RAB38: variants seen among roughly 807,000 people sequenced by gnomAD.
RAB38 encodes the protein ras-related protein Rab-38.
In RAB38, 15 loss-of-function variants were observed where a neutral mutation model predicts 18.4. That is an observed-to-expected ratio of 0.82 (90% CI 0.55 to 1.26). The LOEUF (loss-of-function observed/expected upper bound fraction) is 1.26, where lower values mean the gene tolerates loss of function less well. Among genes scored for constraint, RAB38 ranks in the 50% most tolerant of loss-of-function variants. The probability of loss-of-function intolerance (pLI) is 0.00; values close to 1 mark genes in which losing one functional copy is unlikely to be tolerated. For missense variants in RAB38, 294 were observed against 267.4 expected (o/e 1.10, Z -0.69); for synonymous variants, 101 against 104.4 (o/e 0.97, Z 0.20).
At chr11:88,025,685 G>A in the RAB38 span, among the ~76,000 whole-genome samples, 1 of 152,022 alleles carries the variant, frequency 6.6e-6, no homozygotes, top group East Asian at 1.9e-4. Flanking sequence ...CTTTTGAAAA[G>A]TGTTCAGTCT....
chr11:87,824,978 A>AAGAG, the RAB38 span, among the ~76,000 whole-genome samples: 2 of 150,328 alleles, frequency 1.3e-5, no homozygotes, highest in Non-Finnish European at 1.5e-5. Flanking sequence ...ACACTTTTGA[A>AAGAG]AGAGAGAGAG....
the RAB38 span, among the ~76,000 whole-genome samples, chr11:87,918,976 C>A: frequency 6.6e-6 from 1 of 151,390 alleles, no homozygotes; most frequent in Non-Finnish European, 1.5e-5. Context: ...GAAGCTTTCC[C>A]CATATGTTTT....
chr11:88,025,777 T>C, the RAB38 span, among the ~76,000 whole-genome samples: 1 of 152,204 alleles, frequency 6.6e-6, no homozygotes, highest in East Asian at 1.9e-4. Context: ...TATTAGACAT[T>C]TGTCAGATGC....
At chr11:87,880,323 C>T in the RAB38 span, among the ~76,000 whole-genome samples, 4 of 151,666 alleles carry the variant, frequency 2.6e-5, no homozygotes, top group African/African-American at 9.7e-5. Context: ...TATATCCCTT[C>T]GAGTCCTGGC....
At chr11:88,148,318 C>T (rs1943017286) in intron 2 of RAB38, among the ~76,000 whole-genome samples, 1 of 152,196 alleles carries the variant, frequency 6.6e-6, no homozygotes, top group Admixed American at 6.5e-5. Flanking sequence ...CACCACTGCC[C>T]TTTTCTTCCT....
intron 2 of RAB38, among the ~76,000 whole-genome samples, chr11:88,148,065 G>C (rs1261305467): frequency 6.6e-6 from 1 of 152,100 alleles, no homozygotes; most frequent in Non-Finnish European, 1.5e-5. Context: ...AAAATGATGG[G>C]AAATGTATCC....
chr11:88,062,812 A>G, the RAB38 span, among the ~76,000 whole-genome samples: 1 of 152,224 alleles, frequency 6.6e-6, no homozygotes, highest in East Asian at 1.9e-4. Context: ...AACCCCATGC[A>G]TAATCTATTT....
chr11:88,128,121 T>G (rs550605131), intron 2 of RAB38, among the ~76,000 whole-genome samples: 1 of 152,322 alleles, frequency 6.6e-6, no homozygotes, highest in East Asian at 1.9e-4. Flanking sequence ...TCAGGACAGC[T>G]TAGGACAGGG....
the RAB38 span, among the ~76,000 whole-genome samples, chr11:87,880,312 G>A: frequency 6.6e-6 from 1 of 151,696 alleles, no homozygotes; most frequent in Non-Finnish European, 1.5e-5. Flanking sequence ...TGGAAATAAT[G>A]TATATCCCTT....
intron 2 of RAB38, among the ~76,000 whole-genome samples, chr11:88,119,759 T>C (rs1375634975): frequency 6.6e-6 from 1 of 151,646 alleles, no homozygotes; most frequent in Non-Finnish European, 1.5e-5. Flanking sequence ...TCTTTCCAAA[T>C]ACATCAACCT....
the RAB38 span, among the ~76,000 whole-genome samples, chr11:87,852,591 C>T: frequency 6.6e-6 from 1 of 152,032 alleles, no homozygotes; most frequent in Non-Finnish European, 1.5e-5. Flanking sequence ...AAATGCTAGG[C>T]AACAGATTCA....
At chr11:88,059,852 C>T in the RAB38 span, among the ~76,000 whole-genome samples, 1 of 152,134 alleles carries the variant, frequency 6.6e-6, no homozygotes, top group Non-Finnish European at 1.5e-5. Flanking sequence ...GGAGGAAGGC[C>T]AGCTGGTTGC....
At chr11:88,141,917 C>T (rs1461669661) in intron 2 of RAB38, among the ~76,000 whole-genome samples, 2 of 152,176 alleles carry the variant, frequency 1.3e-5, no homozygotes, top group African/African-American at 4.8e-5. Flanking sequence ...CAGGTTTCCT[C>T]AAGAGCTGTC....
the RAB38 span, among the ~76,000 whole-genome samples, chr11:88,058,487 C>A: frequency 3.3e-5 from 5 of 152,166 alleles, no homozygotes; most frequent in East Asian, 7.7e-4. Flanking sequence ...GGTTTTTGAT[C>A]TGCATAATTG....
At chr11:88,013,755 T>TTC in the RAB38 span, among the ~76,000 whole-genome samples, 1 of 152,138 alleles carries the variant, frequency 6.6e-6, no homozygotes, top group Non-Finnish European at 1.5e-5. Context: ...TAATGAAAGC[T>TTC]TCTTGCATTA....
chr11:88,162,337 G>A (rs1047164246), intron 1 of RAB38, among the ~76,000 whole-genome samples: 4 of 152,022 alleles, frequency 2.6e-5, no homozygotes, highest in Non-Finnish European at 2.9e-5. Context: ...AAAATAACAA[G>A]CCACCCCATA....
At chr11:87,820,830 G>A in the RAB38 span, among the ~76,000 whole-genome samples, 1 of 152,218 alleles carries the variant, frequency 6.6e-6, no homozygotes, top group Non-Finnish European at 1.5e-5. Flanking sequence ...AATAGAATCA[G>A]TGACCATACT....
chr11:87,901,139 A>T, the RAB38 span, among the ~76,000 whole-genome samples: 2 of 151,512 alleles, frequency 1.3e-5, no homozygotes, highest in Non-Finnish European at 3.0e-5. Context: ...AAAATTATAG[A>T]TACTAGTTGT....
the RAB38 span, among the ~76,000 whole-genome samples, chr11:87,865,867 T>C: frequency 2.2e-4 from 33 of 151,848 alleles, no homozygotes; most frequent in African/African-American, 7.7e-4. Context: ...AGGTTATATC[T>C]CAGGGACTAT....
Sources: gnomAD v4.1 joint callset for allele counts (sites outside exome capture counted in the v4.1 genomes callset) on GRCh38, gnomAD v4.1.1 for gene constraint, MANE v1.5 for transcripts, NCBI Gene and HGNC (gene_info 2026-07-23, HGNC 2026-07-21) for gene names.